STARD13: variants seen among roughly 807,000 people sequenced by gnomAD.
The protein encoded by STARD13 is stAR-related lipid transfer protein 13.
Under a neutral mutation model 106.4 loss-of-function variants are expected in STARD13, and 62 were observed. The observed-to-expected ratio is 0.58, with a 90% CI of 0.48 to 0.72. The LOEUF is 0.72. Among genes scored for constraint, STARD13 ranks in the 30% least tolerant of loss-of-function variants. STARD13 has a pLI of 0.00. For synonymous variants in STARD13, 565 were observed against 553.0 expected, an observed-to-expected ratio of 1.02 and a Z score of -0.31; for missense variants, 1,387 against 1,424.0, an observed-to-expected ratio of 0.97 and a Z score of 0.42.
chr13:33,122,531 C>T (rs1404706883), intron 7 of STARD13, among the ~76,000 whole-genome samples: 1 of 152,210 alleles, frequency 6.6e-6, no homozygotes, highest in Non-Finnish European at 1.5e-5. Context: ...ACTGGTCCCA[C>T]AAATGGCATA....
At chr13:33,581,742 A>G in the STARD13 span, among the ~76,000 whole-genome samples, 1 of 152,202 alleles carries the variant, frequency 6.6e-6, no homozygotes, top group Non-Finnish European at 1.5e-5. Context: ...ATGAAGAGCT[A>G]TGTTTCATTA....
At chr13:33,401,077 C>T in the STARD13 span, among the ~76,000 whole-genome samples, 4 of 152,128 alleles carry the variant, frequency 2.6e-5, no homozygotes, top group Non-Finnish European at 5.9e-5. Flanking sequence ...CATGACACCC[C>T]TCCACCCCTG....
At chr13:33,477,106 A>G in the STARD13 span, among the ~76,000 whole-genome samples, 2 of 152,246 alleles carry the variant, frequency 1.3e-5, no homozygotes, top group Non-Finnish European at 2.9e-5. Context: ...ACAAATTAAG[A>G]AATGTTACCT....
chr13:33,575,749 C>T, the STARD13 span, among the ~76,000 whole-genome samples: 1 of 152,142 alleles, frequency 6.6e-6, no homozygotes, highest in African/African-American at 2.4e-5. Context: ...ACACAAAAGC[C>T]CTCAAGATAA....
the STARD13 span, among the ~76,000 whole-genome samples, chr13:33,579,181 G>A: frequency 1.3e-5 from 2 of 151,966 alleles, no homozygotes; most frequent in African/African-American, 4.8e-5. Context: ...AAATAATTAT[G>A]TCAAAAAGAC....
rs1245594274 is a variant in STARD13, at chr13:33,103,510, A to T, written c.*2083T>A. ...CATTTGTTCTTATTCTGTTTTAGGG[A>T]TCTTCTAGGTCCTCGTTTCTGAGTG... On this transcript the variant is annotated 3_prime_UTR_variant, in exon 14 of 14. Transcript: ENST00000336934. 1 of 152,614 alleles carries T rather than the reference A, an allele frequency of 6.6e-6. No individual in the cohort carries two copies. The highest frequency in any genetic ancestry group is 1.5e-5 in the Non-Finnish European group (1 of 68,042). The allele number at this position is 152,614 out of a possible 1,614,324, so 9.5% of individuals were successfully genotyped here. A position where few individuals can be genotyped will look rare whatever the true frequency, so the allele number is the denominator to read the frequency against.
chr13:33,119,443 T>C (rs1259341497), intron 7 of STARD13, among the ~76,000 whole-genome samples: 2 of 152,134 alleles, frequency 1.3e-5, no homozygotes, highest in Non-Finnish European at 2.9e-5. Flanking sequence ...ATACAGGTCG[T>C]CTTACTGATC....
chr13:33,668,903 G>A, the STARD13 span, among the ~76,000 whole-genome samples: 1 of 152,172 alleles, frequency 6.6e-6, no homozygotes, highest in African/African-American at 2.4e-5. Context: ...TCATTGAATG[G>A]TCCAGCTGTG....
At chr13:33,283,286 C>G (rs991988708) in intron 1 of STARD13, among the ~76,000 whole-genome samples, 4 of 152,082 alleles carry the variant, frequency 2.6e-5, no homozygotes, top group Non-Finnish European at 5.9e-5. Context: ...TACTTTAGCA[C>G]TCATTATAAA....
chr13:33,301,160 A>G (rs1396654988), intron 1 of STARD13, among the ~76,000 whole-genome samples: 2 of 152,220 alleles, frequency 1.3e-5, no homozygotes, highest in Non-Finnish European at 2.9e-5. Context: ...TTATTGTATC[A>G]CAGCATTTAG....
chr13:33,592,052 A>G, the STARD13 span, among the ~76,000 whole-genome samples: 2 of 152,226 alleles, frequency 1.3e-5, no homozygotes, highest in Non-Finnish European at 2.9e-5. Context: ...TTTGAATCAT[A>G]GGAAGCTGAA....
chr13:33,130,371 G>A lies in STARD13; in HGVS notation c.388-82C>T. ...CTGGGTGCTCTGAGGGCAGCCCTGT[G>A]TGGTCCTCCACCTCCCTCCCCTCTG... On this transcript the variant is annotated intron_variant, in intron 4 of 13. Transcript: ENST00000336934. This position sits in a 1 kb window ranked among gnomAD's most constrained non-coding sequence, Gnocchi z 4.1. The A allele has an allele frequency of 7.2e-7, 1 of 1,394,282 alleles. No individual in the cohort carries two copies. The highest frequency in any genetic ancestry group is 9.8e-7 in the Non-Finnish European group (1 of 1,019,872). 86.4% of individuals were successfully genotyped at this position (1,394,282 alleles called of 1,614,324 possible).
chr13:33,403,470 G>C, the STARD13 span, among the ~76,000 whole-genome samples: 2 of 152,126 alleles, frequency 1.3e-5, no homozygotes, highest in Non-Finnish European at 2.9e-5. Flanking sequence ...CCCCAAAACT[G>C]TTTTATATCA....
chr13:33,276,558 T>C lies in STARD13; in HGVS notation c.169+8912A>G, dbSNP rs1891445631. On this transcript the variant is annotated intron_variant, in intron 1 of 13. Coordinates refer to ENST00000336934, the MANE Select transcript of STARD13 (RefSeq NM_178006.4). ...TGTGATTTTATGACTATACATACTT[T>C]TTGTATCCAGTGTGTCGTTTGGTGA... is the stretch of plus-strand genomic sequence containing the variant. 2.0e-5 allele frequency: 3 copies of C among 152,174 alleles called. No individual in the cohort carries two copies. In the South Asian group the frequency reaches 6.2e-4, roughly 32 times the overall value. The allele number at this position is 152,174 out of a possible 1,614,324, so 9.4% of individuals were successfully genotyped here. A position where few individuals can be genotyped will look rare whatever the true frequency, so the allele number is the denominator to read the frequency against.
At chr13:33,250,352 G>A (rs185574559) in intron 1 of STARD13, among the ~76,000 whole-genome samples, 278 of 152,338 alleles carry the variant, frequency 1.8e-3, no homozygotes, top group Middle Eastern at 0.01. Context: ...TAAGAATTAA[G>A]TGTGTGTCTC....
chr13:33,661,615 G>T, the STARD13 span, among the ~76,000 whole-genome samples: 1 of 152,216 alleles, frequency 6.6e-6, no homozygotes, highest in Non-Finnish European at 1.5e-5. Flanking sequence ...AGGGTGGCAA[G>T]AGAGAGAATG....
chr13:33,442,465 A>C, the STARD13 span, among the ~76,000 whole-genome samples: 1 of 152,244 alleles, frequency 6.6e-6, no homozygotes, highest in Non-Finnish European at 1.5e-5. Flanking sequence ...AATATTTGAC[A>C]AAAGTATGGC....
At chr13:33,443,532 A>G in the STARD13 span, among the ~76,000 whole-genome samples, 4 of 152,006 alleles carry the variant, frequency 2.6e-5, no homozygotes, top group African/African-American at 9.7e-5. Context: ...TCCTACTTCA[A>G]ACCCCTCTGT....
rs543125135 is a variant in STARD13 at position 33,237,523 on chromosome 13, T to C, written c.169+47947A>G. Among the ~76,000 whole-genome samples the C allele has an allele frequency of 2.6e-5, 4 of 152,358 alleles. No individual in the cohort carries two copies. The South Asian group carries it at 6.2e-4, about 24-fold the overall frequency. ...GTAGTCTCACTTCCCACATGAACTA[T>C]TGCAATGAACTATTTTTCTGGTCTT... On this transcript the variant is annotated intron_variant, in intron 1 of 13. Transcript: ENST00000336934.
Sources: gnomAD v4.1 joint callset for allele counts (sites outside exome capture counted in the v4.1 genomes callset) on GRCh38, gnomAD v4.1.1 for gene constraint, Gnocchi (gnomAD v3.1) non-coding constraint, MANE v1.5 for transcripts, NCBI Gene and HGNC (gene_info 2026-07-23, HGNC 2026-07-21) for gene names.